Variants in FLT3LG observed in about 807,000 individuals in gnomAD.
FLT3LG encodes fms related receptor tyrosine kinase 3 ligand, also known as fms-related tyrosine kinase 3 ligand.
FLT3LG carries 8 observed loss-of-function variants against 30.9 expected under a neutral mutation model. The observed-to-expected ratio is 0.26, with a 90% CI of 0.15 to 0.47. The LOEUF (loss-of-function observed/expected upper bound fraction) is 0.47. FLT3LG is among the 20% of genes least tolerant of loss of function. The pLI is 0.99. For synonymous variants in FLT3LG, 123 were observed against 135.9 expected, an observed-to-expected ratio of 0.91 and a Z score of 0.66; for missense variants, 278 against 306.2, an observed-to-expected ratio of 0.91 and a Z score of 0.69.
chr19:49,478,612 C>A (rs9653100), intron 5 of FLT3LG, among the ~76,000 whole-genome samples: 37,051 of 151,814 alleles, frequency 0.24, 8,405 homozygotes, highest in African/African-American at 0.6. Context: ...GTCTCTACTA[C>A]AAATACAAAA....
In FLT3LG at chr19:49,476,265, C is replaced by A; in HGVS notation, c.198+67C>A. On this transcript the variant is annotated intron_variant, in intron 4 of 8. Transcript: ENST00000597551. The surrounding 1 kb of genome is among the most constrained non-coding windows in gnomAD (Gnocchi z 5.3). Reference sequence around the variant, plus strand: ...ACAGACTCAAGATGCTCCACCGAGGCGAGTGGATAACCAGGCCCTCCCCTC... The same window carrying A: ...ACAGACTCAAGATGCTCCACCGAGGAGAGTGGATAACCAGGCCCTCCCCTC... 6.8e-7 allele frequency: 1 copy of A among 1,463,700 alleles called. No individual in the cohort carries two copies. The highest frequency in any genetic ancestry group is 9.5e-7 in the Non-Finnish European group (1 of 1,049,532). 90.7% of individuals were successfully genotyped at this position (1,463,700 alleles called of 1,614,324 possible).
intron 5 of FLT3LG, among the ~76,000 whole-genome samples, chr19:49,477,767 C>G (rs4802610): frequency 0.39 from 58,306 of 150,840 alleles, 17,406 homozygotes; most frequent in African/African-American, 0.84. Flanking sequence ...AAAATAAAAG[C>G]CTGGGTACAG....
chr19:49,474,362 G>T (rs1337423803), intron 1 of FLT3LG, 81 bp downstream of exon 1: 1 of 573,190 alleles, frequency 1.7e-6, no homozygotes, highest in South Asian at 2.1e-5. Context: ...AGCAGAGGGT[G>T]GGGGGCTGGG....
At position 49,476,868 on chromosome 19, in the gene FLT3LG, C is replaced by T. The variant is rs990629626; in HGVS notation, c.342+302C>T. On this transcript the variant is annotated intron_variant, in intron 5 of 8. Coordinates refer to ENST00000597551, the MANE Select transcript of FLT3LG (RefSeq NM_001459.4). This position sits in a 1 kb window ranked among gnomAD's most constrained non-coding sequence, Gnocchi z 5.3. ...GAAGGGGTCTCTAAACTGAGGAGGC[C>T]GGGCGTGGTGGCTCACTCCTGTAAT... 1.7e-5 allele frequency: 6 copies of T among 351,796 alleles called. No homozygotes were observed. The highest frequency in any genetic ancestry group is 4.6e-5 in the Admixed American group (1 of 21,868). 21.8% of individuals were successfully genotyped at this position (351,796 alleles called of 1,614,324 possible).
At chr19:49,485,096 G>A (rs143005749) in intron 8 of FLT3LG, among the ~76,000 whole-genome samples, 2,250 of 151,866 alleles carry the variant, frequency 0.015, 30 homozygotes, top group South Asian at 0.03. Flanking sequence ...AGAAGTTTAA[G>A]TCCAGCCTCA....
At position 49,476,617 on chromosome 19, in the gene FLT3LG, G is replaced by A. The variant is rs748209726; in HGVS notation, c.342+51G>A. The A allele has an allele frequency of 7.5e-6, 12 of 1,610,380 alleles. No individual in the cohort carries two copies. The highest frequency in any genetic ancestry group is 1.1e-5 in the South Asian group (1 of 90,890). ...TGAGGGGAGGGAGATGCCTTCCTAC[G>A]AATTAGAAGTAAAGCTCCACTAGGC... On this transcript the variant is annotated intron_variant, in intron 5 of 8. Coordinates refer to ENST00000597551, the MANE Select transcript of FLT3LG (RefSeq NM_001459.4). This position sits in a 1 kb window ranked among gnomAD's most constrained non-coding sequence, Gnocchi z 5.3.
intron 5 of FLT3LG, among the ~76,000 whole-genome samples, chr19:49,477,509 C>T (rs545197508): frequency 2.0e-5 from 3 of 151,466 alleles, no homozygotes; most frequent in Admixed American, 6.6e-5. Context: ...GAGGCTGAGG[C>T]GGGTGGATTG....
intron 8 of FLT3LG, chr19:49,481,564 G>A (rs2079611676): frequency 6.5e-6 from 1 of 152,744 alleles, no homozygotes; most frequent in African/African-American, 2.4e-5. Flanking sequence ...CAGGTAGGCA[G>A]GTGGGCCAGG....
At chr19:49,474,455 A>T in intron 1 of FLT3LG, 148 bp from the exon 2 acceptor site, 3 of 631,366 alleles carry the variant, frequency 4.8e-6, no homozygotes, top group Non-Finnish European at 8.5e-6. Context: ...TTTCACCGTA[A>T]CTGGGGCAGA....
In FLT3LG at chr19:49,479,047, G is replaced by T; in HGVS notation, c.481G>T (p.Asp161Tyr). Residue 161 changes from aspartate to tyrosine, a missense_variant and splice_region_variant, in exon 6 of 9, where the codon GAC (aspartate) becomes TAC (tyrosine). Around this residue, in one of 3 missense-constraint regions of FLT3LG, gnomAD observed 170 missense variants for 162.0 expected, o/e 1.05. Coordinates refer to ENST00000597551, the MANE Select transcript of FLT3LG (RefSeq NM_001459.4). ...SRCLELQCQPDSSTLPPPWSP... is the reference protein window; with the variant it reads ...SRCLELQCQPYSSTLPPPWSP... Reference sequence around the variant, plus strand: ...GTGCCTGGAGCTGCAGTGTCAGCCCGGTAAAGGCTTCCAGGCACCCCCACT... The same window carrying T: ...GTGCCTGGAGCTGCAGTGTCAGCCCTGTAAAGGCTTCCAGGCACCCCCACT... 6.2e-7 allele frequency: 1 copy of T among 1,605,630 alleles called. No homozygotes were observed. The highest frequency in any genetic ancestry group is 1.1e-5 in the South Asian group (1 of 89,458).
chr19:49,485,051 C>T (rs1178970194), intron 8 of FLT3LG, among the ~76,000 whole-genome samples: 3 of 151,880 alleles, frequency 2.0e-5, no homozygotes, highest in African/African-American at 7.3e-5. Flanking sequence ...CATGCCACTG[C>T]ATTCCAGCCT....
At chr19:49,484,464 T>C (rs1307166338) in intron 8 of FLT3LG, among the ~76,000 whole-genome samples, 1 of 151,710 alleles carries the variant, frequency 6.6e-6, no homozygotes, top group Non-Finnish European at 1.5e-5. Context: ...CCAACTAATT[T>C]AGTGTATTTT....
chr19:49,483,227 G>A (rs2079675743), intron 8 of FLT3LG, among the ~76,000 whole-genome samples: 1 of 151,822 alleles, frequency 6.6e-6, no homozygotes, highest in Admixed American at 6.6e-5. Context: ...CCTGGTTCAG[G>A]CGATTCTCCT....
chr19:49,477,537 G>A (rs1003980381), intron 5 of FLT3LG, among the ~76,000 whole-genome samples: 12 of 150,670 alleles, frequency 8.0e-5, no homozygotes, highest in East Asian at 7.8e-4. Flanking sequence ...TCAGGAGTTC[G>A]AGACCAGCCT....
rs763913835 is a variant in FLT3LG, at chr19:49,475,721, T to C, written c.64T>C (p.Ser22Pro). Residue 22 changes from serine to proline, a missense_variant, in exon 3 of 9, where the codon TCG (serine) becomes CCG (proline). Coordinates refer to ENST00000597551, the MANE Select transcript of FLT3LG (RefSeq NM_001459.4). ...TYLLLLLLLS[S>P]GLSGTQDCSF... ...TCTCCTCCTGCTGCTGCTGCTGAGC[T>C]CGGGACTCAGTGGGACCCAGGACTG... 148 of 1,610,430 alleles carry C rather than the reference T, an allele frequency of 9.2e-5. 9 individuals are homozygous for C. In the South Asian group the frequency reaches 1.6e-3, roughly 17 times the overall value.
intron 8 of FLT3LG, among the ~76,000 whole-genome samples, chr19:49,484,288 A>ATTTT (rs745909519): frequency 1.9e-3 from 182 of 98,290 alleles, no homozygotes; most frequent in African/African-American, 2.8e-3. Context: ...TTTTATTATA[A>ATTTT]TTTTTTTTTT....
At position 49,479,046 on chromosome 19, in the gene FLT3LG, C is replaced by T. The variant is rs1299881925; in HGVS notation, c.480C>T (p.Pro160=). 13 of 1,606,002 alleles carry T rather than the reference C, an allele frequency of 8.1e-6. No individual in the cohort carries two copies. The highest frequency in any genetic ancestry group is 1.6e-4 in the Middle Eastern group (1 of 6,070). ...FSRCLELQCQ[P]DSSTLPPPWS... ...GGTGCCTGGAGCTGCAGTGTCAGCC[C>T]GGTAAAGGCTTCCAGGCACCCCCAC... The change falls in exon 6 of 9, where the codon CCC becomes CCT. Residue 160 remains proline, a splice_region_variant and synonymous_variant. Transcript: ENST00000597551.
intron 8 of FLT3LG, among the ~76,000 whole-genome samples, chr19:49,483,797 G>A (rs867127959): frequency 4.1e-5 from 6 of 147,366 alleles, no homozygotes; most frequent in Non-Finnish European, 7.4e-5. Context: ...TGCTAAGACC[G>A]GTATCTATCC....
At chr19:49,484,746 T>C (rs1217332560) in intron 8 of FLT3LG, among the ~76,000 whole-genome samples, 1 of 151,990 alleles carries the variant, frequency 6.6e-6, no homozygotes, top group Admixed American at 6.6e-5. Flanking sequence ...CTGCCCGCCT[T>C]GACCTCCCAA....
Sources: allele counts gnomAD v4.1 joint callset (sites outside exome capture counted in the v4.1 genomes callset), GRCh38; gene constraint gnomAD v4.1.1; regional missense constraint gnomAD v4.1.1; non-coding constraint Gnocchi (gnomAD v3.1); transcripts MANE v1.5; gene names NCBI Gene and HGNC (gene_info 2026-07-23, HGNC 2026-07-21).